ITPK1: variants seen among roughly 807,000 people sequenced by gnomAD.
ITPK1 encodes the protein inositol-tetrakisphosphate 1-kinase.
ITPK1 carries 21 observed loss-of-function variants against 45.3 expected under a neutral mutation model. The ratio of observed to expected loss-of-function variants is 0.46; its 90% confidence interval spans 0.33 to 0.67. ITPK1 has a LOEUF of 0.67. Among genes scored for constraint, ITPK1 ranks in the 30% least tolerant of loss-of-function variants. The probability of loss-of-function intolerance (pLI) is 0.02; values close to 1 mark genes in which losing one functional copy is unlikely to be tolerated. For missense variants in ITPK1, 474 were observed against 573.5 expected, an observed-to-expected ratio of 0.83 and a Z score of 1.77; for synonymous variants, 258 against 253.6, an observed-to-expected ratio of 1.02 and a Z score of -0.16.
At chr14:92,961,541 A>G (rs1885070738) in intron 7 of ITPK1, among the ~76,000 whole-genome samples, 1 of 152,236 alleles carries the variant, frequency 6.6e-6, no homozygotes, top group Admixed American at 6.5e-5. Flanking sequence ...GTCTCAATTC[A>G]GCAGCATGGC....
intron 3 of ITPK1, among the ~76,000 whole-genome samples, chr14:93,058,058 T>TA (rs1354010914): frequency 6.6e-6 from 1 of 152,160 alleles, no homozygotes; most frequent in African/African-American, 2.4e-5. Flanking sequence ...TTGGTCATCT[T>TA]AGAGTCCCTA....
At chr14:92,943,897 G>A (rs969800140) in intron 10 of ITPK1, among the ~76,000 whole-genome samples, 5 of 152,188 alleles carry the variant, frequency 3.3e-5, no homozygotes, top group African/African-American at 9.7e-5. Context: ...GGCAAGATTC[G>A]AACCCATGGC....
At chr14:93,086,607 C>T (rs1891660269) in intron 2 of ITPK1, among the ~76,000 whole-genome samples, 1 of 152,080 alleles carries the variant, frequency 6.6e-6, no homozygotes, top group Non-Finnish European at 1.5e-5. Flanking sequence ...CATGCCATGC[C>T]CTCTGGCGGG....
In ITPK1 at chr14:92,980,627, A is replaced by G. The variant is rs191363733; in HGVS notation, c.364+13253T>C. Among the ~76,000 whole-genome samples, 360 of 152,128 alleles carry G rather than the reference A, an allele frequency of 2.4e-3. 4 individuals are homozygous for G. Among genetic ancestry groups the G allele is most frequent in the African/African-American group, 8.5e-3 (352 of 41,508 alleles). On this transcript the variant is annotated intron_variant, in intron 5 of 10. Coordinates refer to ENST00000267615, the MANE Select transcript of ITPK1 (RefSeq NM_014216.6). The stretch of plus-strand genomic sequence containing the variant: ...CCCTGGGATTTGGCCCAGGCTGGGG[A>G]CTTATTACTATTGGGGGCCTACAAA...
At chr14:93,064,900 T>C (rs1890685845) in intron 3 of ITPK1, among the ~76,000 whole-genome samples, 1 of 152,144 alleles carries the variant, frequency 6.6e-6, no homozygotes, top group Admixed American at 6.5e-5. Context: ...GTTACAACTC[T>C]GGATTTACAC....
At chr14:93,007,712 C>T (rs1887692876) in intron 4 of ITPK1, among the ~76,000 whole-genome samples, 1 of 152,144 alleles carries the variant, frequency 6.6e-6, no homozygotes. Context: ...CTGGCTACGA[C>T]ATCTACCCCG....
At chr14:92,972,884 C>T (rs1243237382) in intron 5 of ITPK1, among the ~76,000 whole-genome samples, 1 of 152,222 alleles carries the variant, frequency 6.6e-6, no homozygotes, top group Non-Finnish European at 1.5e-5. Flanking sequence ...AGCCACCGCG[C>T]CCAACTCTTC....
intron 3 of ITPK1, chr14:93,071,818 G>A (rs1891016491): frequency 6.6e-6 from 1 of 151,514 alleles, no homozygotes; most frequent in Non-Finnish European, 1.5e-5. Flanking sequence ...TATACTATAG[G>A]GCCAAAAAAT....
intron 3 of ITPK1, among the ~76,000 whole-genome samples, chr14:93,046,283 A>G (rs1043886829): frequency 8.5e-5 from 13 of 152,160 alleles, no homozygotes; most frequent in African/African-American, 3.1e-4. Context: ...CATTAGTGCT[A>G]CTCCCATTTT....
chr14:93,014,425 G>C lies in ITPK1; in HGVS notation c.246+2251C>G, dbSNP rs1275037170. Among the ~76,000 whole-genome samples, 1 of 152,190 alleles carries C rather than the reference G, an allele frequency of 6.6e-6. No individual in the cohort carries two copies. The highest frequency in any genetic ancestry group is 2.4e-5 in the African/African-American group (1 of 41,442). On this transcript the variant is annotated intron_variant, in intron 4 of 10. Transcript: ENST00000267615. This position sits in a 1 kb window ranked among gnomAD's most constrained non-coding sequence, Gnocchi z 4.4. ...TTGGGAGCAGATGTTCCAGAACTCC[G>C]GGCCCAGGCTAGCTGGGAGATGTGG...
At chr14:93,093,197 G>A (rs966912994) in intron 2 of ITPK1, among the ~76,000 whole-genome samples, 1 of 152,158 alleles carries the variant, frequency 6.6e-6, no homozygotes, top group Admixed American at 6.5e-5. Flanking sequence ...GGGCAGACAC[G>A]ACCCACACCT....
chr14:92,990,515 T>A (rs1394721874), intron 5 of ITPK1, among the ~76,000 whole-genome samples: 2 of 152,232 alleles, frequency 1.3e-5, no homozygotes, highest in Admixed American at 6.5e-5. Context: ...GCAACTTGAA[T>A]GCTAATTGAT....
chr14:93,092,688 G>A lies in ITPK1; in HGVS notation c.96-16069C>T, dbSNP rs575447607. On this transcript the variant is annotated intron_variant, in intron 2 of 10. Coordinates refer to ENST00000267615, the MANE Select transcript of ITPK1 (RefSeq NM_014216.6). ...GTAGGTGGAGGCCAGGGATGCCGTTGGGCACAGCTGTGGGGAACCCAGCCA... is the reference window on the plus strand; with the variant it reads ...GTAGGTGGAGGCCAGGGATGCCGTTAGGCACAGCTGTGGGGAACCCAGCCA... 1.3e-3 allele frequency among the ~76,000 whole-genome samples: 192 copies of A among 152,314 alleles called. 1 individual carries two copies. Among genetic ancestry groups the A allele is most frequent in the African/African-American group, 4.5e-3 (189 of 41,576 alleles).
At chr14:92,982,195 A>C (rs997673764) in intron 5 of ITPK1, among the ~76,000 whole-genome samples, 1 of 152,244 alleles carries the variant, frequency 6.6e-6, no homozygotes, top group Non-Finnish European at 1.5e-5. Context: ...GCAGAATCTA[A>C]GTCAACCCCA....
rs7156335 is a variant in ITPK1 at position 92,939,887 on chromosome 14, T to C, written c.*1674A>G. The C allele has an allele frequency of 0.094, 92,806 of 985,774 alleles. 4,591 individuals are homozygous for C. The highest frequency in any genetic ancestry group is 0.17 in the South Asian group (3,514 of 21,290). 61.1% of individuals were successfully genotyped at this position (985,774 alleles called of 1,614,324 possible). On this transcript the variant is annotated 3_prime_UTR_variant, in exon 11 of 11. Transcript: ENST00000267615. ...TGCGGTTTGATTTCAGTAGTTTATT[T>C]TGGAGACAAAGCAGTGCAAGAGGCC...
At chr14:93,088,512 T>C (rs1295440909) in intron 2 of ITPK1, among the ~76,000 whole-genome samples, 1 of 151,896 alleles carries the variant, frequency 6.6e-6, no homozygotes, top group African/African-American at 2.4e-5. Context: ...TGCGCCACCA[T>C]ACTCTGTTAA....
At chr14:92,953,692 G>T (rs1888066067) in intron 8 of ITPK1, among the ~76,000 whole-genome samples, 1 of 152,192 alleles carries the variant, frequency 6.6e-6, no homozygotes, top group African/African-American at 2.4e-5. Flanking sequence ...GATCAGGGAG[G>T]TTGGGAAGTC....
chr14:92,983,034 A>G (rs1029308653), intron 5 of ITPK1, among the ~76,000 whole-genome samples: 9 of 152,244 alleles, frequency 5.9e-5, no homozygotes, highest in Non-Finnish European at 8.8e-5. Flanking sequence ...GCAGGGGAAG[A>G]GCAGGTTTCC....
chr14:93,053,461 C>G (rs895413994), intron 3 of ITPK1, among the ~76,000 whole-genome samples: 2 of 152,224 alleles, frequency 1.3e-5, no homozygotes, highest in Non-Finnish European at 1.5e-5. Context: ...ATAATTGATG[C>G]CACCCCATCA....
Sources: gnomAD v4.1 joint callset for allele counts (sites outside exome capture counted in the v4.1 genomes callset) on GRCh38, gnomAD v4.1.1 for gene constraint, Gnocchi (gnomAD v3.1) non-coding constraint, MANE v1.5 for transcripts, NCBI Gene and HGNC (gene_info 2026-07-23, HGNC 2026-07-21) for gene names.